CCDC33: variants seen among roughly 807,000 people sequenced by gnomAD.
CCDC33 encodes coiled-coil domain-containing protein 33.
A neutral mutation model predicts 91.9 loss-of-function variants in CCDC33; 94 were observed. That is an observed-to-expected ratio of 1.02 (90% CI 0.87 to 1.21). The LOEUF is 1.21. Ranked by LOEUF, CCDC33 falls within the 50% of genes most tolerant of loss-of-function variation. The pLI is 0.00. For synonymous variants in CCDC33, 396 were observed against 374.5 expected, an observed-to-expected ratio of 1.06 and a Z score of -0.66; for missense variants, 940 against 935.5, an observed-to-expected ratio of 1.00 and a Z score of -0.06.
chr15:74,335,312 C>T, intron 18 of CCDC33: 1 of 614,942 alleles, frequency 1.6e-6, no homozygotes, highest in Non-Finnish European at 2.9e-6. Context: ...CAAAACTACC[C>T]TTTCCCCCAT....
chr15:74,223,180 C>T (rs1470378161), intron 2 of CCDC33, among the ~76,000 whole-genome samples: 1 of 152,130 alleles, frequency 6.6e-6, no homozygotes, highest in East Asian at 1.9e-4. Context: ...TAGCTGGTTT[C>T]CCTCATCTTC....
At chr15:74,314,920 AG>A (rs1163164335) in intron 11 of CCDC33, among the ~76,000 whole-genome samples, 4 of 152,356 alleles carry the variant, frequency 2.6e-5, no homozygotes, top group Non-Finnish European at 4.4e-5. Context: ...ACAGCCAGGC[AG>A]GGCCCAGAGA....
Position 74,272,786 on chromosome 15 carries a change from C to T in CCDC33, c.654C>T (p.Asn218=). The change falls in exon 7 of 19, where the codon AAC becomes AAT. Residue 218 remains asparagine (N), a synonymous_variant. Coordinates refer to ENST00000398814, the MANE Select transcript of CCDC33 (RefSeq NM_025055.5). ...NYKEFKVSQA[N]RDLASVGLPI... is the part of the protein sequence containing the mutation. ...GCCTCCCCAGGGTCAGCCAGGCTAA[C>T]AGGGACCTGGCCTCTGTGGGGCTGC... The T allele has an allele frequency of 6.2e-7, 1 of 1,614,204 alleles. No homozygotes were observed. The highest frequency in any genetic ancestry group is 8.5e-7 in the Non-Finnish European group (1 of 1,180,046).
chr15:74,298,709 C>CTTTTTTT (rs35450110), intron 11 of CCDC33, among the ~76,000 whole-genome samples: 8 of 75,620 alleles, frequency 1.1e-4, no homozygotes, highest in Admixed American at 1.9e-4. Flanking sequence ...CTAATTCTGC[C>CTTTTTTT]TTTTTTTTTT....
At chr15:74,330,465 C>G in intron 12 of CCDC33, 111 bp downstream of exon 12, 1 of 1,303,362 alleles carries the variant, frequency 7.7e-7, no homozygotes, top group Non-Finnish European at 1.0e-6. Context: ...CTGCTGGACT[C>G]TGGCAAATAG....
At chr15:74,283,855 A>G (rs1381326016) in intron 10 of CCDC33, among the ~76,000 whole-genome samples, 2 of 151,854 alleles carry the variant, frequency 1.3e-5, no homozygotes, top group Non-Finnish European at 2.9e-5. Context: ...ACGTGTGAAT[A>G]TCTACACACA....
At chr15:74,258,180 G>A (rs1284621318) in intron 2 of CCDC33, among the ~76,000 whole-genome samples, 2 of 152,178 alleles carry the variant, frequency 1.3e-5, no homozygotes, top group African/African-American at 4.8e-5. Context: ...CCACTTAAAG[G>A]TCTGCTCCTT....
At position 74,262,541 on chromosome 15, in the gene CCDC33, T is replaced by C. The variant is rs1465926991; in HGVS notation, c.287T>C (p.Val96Ala). 1.2e-6 allele frequency: 2 copies of C among 1,613,522 alleles called. No individual in the cohort carries two copies. Among genetic ancestry groups the C allele is most frequent in the East Asian group, 4.5e-5 (2 of 44,888 alleles). ...RAPIWGDTVN[V>A]EIQAEDAGQE... ...CCTATCTGGGGGGACACGGTGAATGTGGAGATCCAAGCTGAGGATGCAGGG... is the reference window on the plus strand; with the variant it reads ...CCTATCTGGGGGGACACGGTGAATGCGGAGATCCAAGCTGAGGATGCAGGG... The change falls in exon 3 of 19, where the codon GTG (valine) becomes GCG (alanine). Residue 96 changes from valine (V) to alanine (A), a missense_variant. Physicochemically the swap from Val to Ala is moderately conservative, Grantham distance 64 (BLOSUM62 0). Transcript: ENST00000398814.
chr15:74,312,199 C>T (rs1158779844), intron 11 of CCDC33, among the ~76,000 whole-genome samples: 1 of 152,218 alleles, frequency 6.6e-6, no homozygotes, highest in Non-Finnish European at 1.5e-5. Context: ...GTCCCTTTCA[C>T]CCCCTTGCCC....
At chr15:74,332,554 G>A in intron 15 of CCDC33, 125 bp from the exon 16 acceptor site, 1 of 950,536 alleles carries the variant, frequency 1.1e-6, no homozygotes, top group Non-Finnish European at 1.6e-6. Flanking sequence ...GTGGTAGGGA[G>A]CCATTGAAGG....
intron 11 of CCDC33, among the ~76,000 whole-genome samples, chr15:74,312,481 A>G (rs1479309838): frequency 6.6e-6 from 1 of 152,190 alleles, no homozygotes. Context: ...CTGCAGATCC[A>G]GCGAGACATC....
In CCDC33 at chr15:74,246,235, G is replaced by A. The variant is rs1014552455; in HGVS notation, c.185+2087G>A. Among the ~76,000 whole-genome samples the A allele has an allele frequency of 3.3e-5, 5 of 152,320 alleles. No individual in the cohort carries two copies. In the East Asian group the frequency reaches 7.7e-4, roughly 23 times the overall value. ...TGTAACACCCCTAGAAGAAAACACA[G>A]GGGAAAGGCTCCTTTACATTGGTCT... On this transcript the variant is annotated intron_variant, in intron 2 of 18. Transcript: ENST00000398814.
chr15:74,316,798 G>A lies in CCDC33; in HGVS notation c.1291-13391G>A, dbSNP rs1192338161. On this transcript the variant is annotated intron_variant, in intron 11 of 18. Coordinates refer to ENST00000398814, the MANE Select transcript of CCDC33 (RefSeq NM_025055.5). This position sits in a 1 kb window ranked among gnomAD's most constrained non-coding sequence, Gnocchi z 4.7. ...CTGGAGCCACTCTTATATGCCAGACGCTGCTCGGACGTGTACACTCGCAGC... is the reference window on the plus strand; with the variant it reads ...CTGGAGCCACTCTTATATGCCAGACACTGCTCGGACGTGTACACTCGCAGC... Among the ~76,000 whole-genome samples, 5 of 152,146 alleles carry A rather than the reference G, an allele frequency of 3.3e-5. No homozygotes were observed. The highest frequency in any genetic ancestry group is 6.5e-5 in the Admixed American group (1 of 15,276).
intron 1 of CCDC33, among the ~76,000 whole-genome samples, chr15:74,203,995 C>G (rs536807761): frequency 1.3e-4 from 20 of 152,188 alleles, no homozygotes; most frequent in Non-Finnish European, 2.8e-4. Flanking sequence ...CCTGGAGGCT[C>G]TCTTTCAAAT....
At chr15:74,277,317 C>G (rs748664457) in intron 7 of CCDC33, among the ~76,000 whole-genome samples, 1 of 152,208 alleles carries the variant, frequency 6.6e-6, no homozygotes, top group Non-Finnish European at 1.5e-5. Flanking sequence ...AGCATCTGCT[C>G]CCAGCAGCTA....
intron 1 of CCDC33, chr15:74,208,830 T>C (rs548135842): frequency 1.0e-6 from 1 of 989,140 alleles, no homozygotes; most frequent in Non-Finnish European, 1.2e-6. Context: ...GACCTCTCCC[T>C]TCCTTGTCTC....
chr15:74,327,253 G>T (rs1053919345), intron 11 of CCDC33, among the ~76,000 whole-genome samples: 2 of 152,112 alleles, frequency 1.3e-5, no homozygotes, highest in East Asian at 3.9e-4. Context: ...AGACAGGGAC[G>T]CGGCCTCACC....
chr15:74,251,134 G>A (rs923933557), intron 2 of CCDC33, among the ~76,000 whole-genome samples: 2 of 152,244 alleles, frequency 1.3e-5, no homozygotes, highest in African/African-American at 4.8e-5. Flanking sequence ...GCATGCTGCT[G>A]CAGGCCTGCC....
At chr15:74,231,407 G>A (rs2074967670), upstream of CCDC33, among the ~76,000 whole-genome samples, 1 of 152,216 alleles carries the variant, frequency 6.6e-6, no homozygotes, top group Non-Finnish European at 1.5e-5. Context: ...AGCCTCTGGG[G>A]CACACCACCT....
Sources: allele counts gnomAD v4.1 joint callset (sites outside exome capture counted in the v4.1 genomes callset), GRCh38; gene constraint gnomAD v4.1.1; non-coding constraint Gnocchi (gnomAD v3.1); transcripts MANE v1.5; gene names NCBI Gene and HGNC (gene_info 2026-07-23, HGNC 2026-07-21).